Variants in FAM13B observed in about 807,000 individuals in gnomAD.
FAM13B encodes the protein protein FAM13B.
In FAM13B, 60 loss-of-function variants were observed where a neutral mutation model predicts 117.3. The ratio of observed to expected loss-of-function variants is 0.51; its 90% CI spans 0.42 to 0.63. FAM13B has a LOEUF of 0.63. Among genes scored for constraint, FAM13B ranks in the 30% least tolerant of loss-of-function variants. FAM13B has a pLI of 0.00. For synonymous variants in FAM13B, 332 were observed against 356.1 expected, an observed-to-expected ratio of 0.93 and a Z score of 0.76; for missense variants, 972 against 1,091.9, an observed-to-expected ratio of 0.89 and a Z score of 1.55.
chr5:137,962,543 A>G, intron 10 of FAM13B, 74 bp from the exon 11 acceptor site: 1 of 1,349,942 alleles, frequency 7.4e-7, no homozygotes, highest in Non-Finnish European at 1.0e-6. Context: ...AATCTAAATT[A>G]GGATATTAGA....
chr5:137,981,068 C>CATGT (rs930537078), intron 10 of FAM13B, among the ~76,000 whole-genome samples: 3 of 142,034 alleles, frequency 2.1e-5, no homozygotes, highest in African/African-American at 7.8e-5. Context: ...AGCACCACTA[C>CATGT]ACCTGGCTAT....
At position 138,021,846 on chromosome 5, in the gene FAM13B, T is replaced by C. The variant is rs147951002; in HGVS notation, c.-202-649A>G. Among the ~76,000 whole-genome samples, 79 of 152,244 alleles carry C rather than the reference T, an allele frequency of 5.2e-4. 2 individuals are homozygous for C. The highest frequency in any genetic ancestry group is 5.2e-3 in the South Asian group (25 of 4,824). ...AAACTACCTGTACAGGCCAGGTGCA[T>C]TGGCTCATGGCTATAATCCCAGCAC... On this transcript the variant is annotated intron_variant, in intron 1 of 23. Coordinates refer to ENST00000689681, the MANE Select transcript of FAM13B (RefSeq NM_001385994.1).
intron 10 of FAM13B, among the ~76,000 whole-genome samples, chr5:137,968,427 A>G (rs1770802055): frequency 6.7e-6 from 1 of 148,668 alleles, no homozygotes; most frequent in Admixed American, 6.8e-5. Context: ...GGCAAGACTG[A>G]GACTCTGTCT....
intron 7 of FAM13B, among the ~76,000 whole-genome samples, chr5:138,000,938 A>AAC (rs1243620281): frequency 2.4e-5 from 2 of 84,372 alleles, no homozygotes; most frequent in African/African-American, 1.0e-4. Flanking sequence ...TCAAAAAACA[A>AAC]AAAACAAAAA....
At chr5:137,968,332 T>G (rs1411790154) in intron 10 of FAM13B, among the ~76,000 whole-genome samples, 1 of 151,414 alleles carries the variant, frequency 6.6e-6, no homozygotes, top group East Asian at 1.9e-4. Flanking sequence ...TCCCGGCTAC[T>G]TGGGAGGCTG....
intron 7 of FAM13B, among the ~76,000 whole-genome samples, chr5:137,997,409 C>A (rs897457277): frequency 6.6e-6 from 1 of 151,916 alleles, no homozygotes; most frequent in Non-Finnish European, 1.5e-5. Flanking sequence ...GCGGAGGTTG[C>A]GGTGAGCTGA....
At chr5:138,037,068 A>G (rs186067405), upstream of FAM13B, 1 of 69,936 alleles carries the variant, frequency 1.4e-5, no homozygotes, top group South Asian at 2.4e-4. Flanking sequence ...TCAAAATTAC[A>G]TCACTTTTTC....
At chr5:138,000,593 A>T (rs185127503) in intron 7 of FAM13B, among the ~76,000 whole-genome samples, 57 of 152,248 alleles carry the variant, frequency 3.7e-4, no homozygotes, top group African/African-American at 1.2e-3. Context: ...TTATTAATAA[A>T]AATCCACGAG....
At position 137,946,319 on chromosome 5, in the gene FAM13B, T is replaced by C. The variant is rs1196031866; in HGVS notation, c.2161-8A>G. 1 of 1,390,962 alleles carries C rather than the reference T, an allele frequency of 7.2e-7. No individual in the cohort carries two copies. The highest frequency in any genetic ancestry group is 9.4e-7 in the Non-Finnish European group (1 of 1,062,520). 86.2% of individuals were successfully genotyped at this position (1,390,962 alleles called of 1,614,324 possible). A position where few individuals can be genotyped will look rare whatever the true frequency, so the allele number is the denominator to read the frequency against. On this transcript the variant is annotated splice_region_variant and splice_polypyrimidine_tract_variant and intron_variant, in intron 18 of 23. Coordinates refer to ENST00000689681, the MANE Select transcript of FAM13B (RefSeq NM_001385994.1). ...ATGATCTTTGGTCATTTTCTGGAAT[T>C]AAACAAAAAAAATAACAAAATACAA...
chr5:137,954,109 A>G, intron 15 of FAM13B, 57 bp downstream of exon 15: 1 of 1,247,472 alleles, frequency 8.0e-7, no homozygotes, highest in Admixed American at 2.1e-5. Flanking sequence ...TAAATCTCTC[A>G]AAAGACTTGG....
chr5:137,991,464 G>C (rs1460611739), intron 7 of FAM13B, among the ~76,000 whole-genome samples: 2 of 152,312 alleles, frequency 1.3e-5, no homozygotes, highest in South Asian at 4.1e-4. Context: ...CTCTAGAGCA[G>C]GGATGTCATC....
At chr5:138,048,853 G>A (rs1169343236) in intron 1 of FAM13B, among the ~76,000 whole-genome samples, 2 of 151,620 alleles carry the variant, frequency 1.3e-5, no homozygotes, top group East Asian at 3.9e-4. Flanking sequence ...ACCCCATGCA[G>A]ACCTTTGCCA....
intron 10 of FAM13B, among the ~76,000 whole-genome samples, chr5:137,966,488 T>TATATATAGAGAGAG (rs1461425784): frequency 8.8e-4 from 26 of 29,474 alleles, no homozygotes; most frequent in African/African-American, 1.3e-3. Flanking sequence ...TATATATATA[T>TATATATAGAGAGAG]AGAGAGAGAG....
rs528113537 is a variant in FAM13B, at chr5:137,963,161, G to A, written c.1180-692C>T. On this transcript the variant is annotated intron_variant, in intron 10 of 23. Coordinates refer to ENST00000689681, the MANE Select transcript of FAM13B (RefSeq NM_001385994.1). ...TTGTCCAGCTTTGTTTAGCGTGAAA[G>A]AAGGTCCACAAGAATCTGCAAAAAA... Among the ~76,000 whole-genome samples, 4 of 152,274 alleles carry A rather than the reference G, an allele frequency of 2.6e-5. No homozygotes were observed. In the East Asian group the frequency reaches 7.7e-4, roughly 29 times the overall value.
At chr5:137,953,195 C>A in intron 16 of FAM13B, 141 bp downstream of exon 16, 1 of 880,640 alleles carries the variant, frequency 1.1e-6, no homozygotes, top group Non-Finnish European at 1.7e-6. Context: ...TATATAATCT[C>A]AGATCTACAT....
In FAM13B at chr5:137,985,238, T is replaced by TA. The variant is rs773495614; in HGVS notation, c.1179+18dup. On this transcript the variant is annotated intron_variant, in intron 10 of 23. Transcript: ENST00000689681. ...CAATCAAAGTTGTACATCTAACACA[T>TA]ATTTTTGACATTCCTTACCTGGGTA... 7.5e-5 allele frequency: 121 copies of TA among 1,610,254 alleles called. 1 individual carries two copies. The African/African-American group carries it at 1.5e-3, about 19-fold the overall frequency.
chr5:137,985,535 T>C lies in FAM13B; in HGVS notation c.1047-146A>G, dbSNP rs1352362471. ...TTTCACAAAAATCCACACTTTTATC[T>C]TGCTAAATTAGATTATTAAATCTGC... On this transcript the variant is annotated intron_variant, in intron 9 of 23. Transcript: ENST00000689681. The C allele has an allele frequency of 6.1e-5, 47 of 771,684 alleles. No individual in the cohort carries two copies. The Admixed American group carries it at 1.3e-3, about 22-fold the overall frequency. 47.8% of individuals were successfully genotyped at this position (771,684 alleles called of 1,614,324 possible). A position where few individuals can be genotyped will look rare whatever the true frequency, so the allele number is the denominator to read the frequency against.
chr5:137,967,617 T>A (rs1581119587), intron 10 of FAM13B, among the ~76,000 whole-genome samples: 1 of 151,842 alleles, frequency 6.6e-6, no homozygotes, highest in Non-Finnish European at 1.5e-5. Context: ...ACGAGACCCA[T>A]CATGGTGGCT....
intron 22 of FAM13B, 114 bp from the exon 23 acceptor site, chr5:137,942,159 A>G: frequency 1.3e-6 from 1 of 761,938 alleles, no homozygotes. Flanking sequence ...AGGTCTACCA[A>G]TGCCTAAGCT....
Sources: allele counts gnomAD v4.1 joint callset (sites outside exome capture counted in the v4.1 genomes callset), GRCh38; gene constraint gnomAD v4.1.1; transcripts MANE v1.5; gene names NCBI Gene and HGNC (gene_info 2026-07-23, HGNC 2026-07-21).